The following NSUN2 variants were observed in gnomAD, a reference collection of about 807,000 sequenced individuals.
NSUN2 encodes RNA cytosine C(5)-methyltransferase NSUN2.
NSUN2 carries 63 observed loss-of-function variants against 92.7 expected under a neutral mutation model. The observed-to-expected ratio is 0.68, with a 90% CI of 0.56 to 0.84. The LOEUF (loss-of-function observed/expected upper bound fraction) is 0.84. NSUN2 is among the 40% of genes least tolerant of loss of function. The pLI is 0.00. For missense variants in NSUN2, 989 were observed against 964.9 expected, an observed-to-expected ratio of 1.02 and a Z score of -0.33; for synonymous variants, 356 against 348.3, an observed-to-expected ratio of 1.02 and a Z score of -0.25.
At chr5:6,614,395 G>A (rs1201651748) in intron 9 of NSUN2, among the ~76,000 whole-genome samples, 5 of 152,056 alleles carry the variant, frequency 3.3e-5, no homozygotes, top group Non-Finnish European at 7.3e-5. Flanking sequence ...CAGCATTCCC[G>A]TTTTCTTTTT....
chr5:6,617,646 G>T (rs562563504), intron 8 of NSUN2, among the ~76,000 whole-genome samples: 1 of 152,266 alleles, frequency 6.6e-6, no homozygotes, highest in South Asian at 2.1e-4. Flanking sequence ...AGAGAGAAAA[G>T]ATTAGTAATG....
chr5:6,604,168 T>C lies in NSUN2; in HGVS notation c.1927A>G (p.Ser643Gly), dbSNP rs760814782. 1 of 1,614,102 alleles carries C rather than the reference T, an allele frequency of 6.2e-7. No homozygotes were observed. The highest frequency in any genetic ancestry group is 1.1e-5 in the South Asian group (1 of 91,076). The change falls in exon 17 of 19, where the codon AGT becomes GGT. Residue 643 changes from serine to glycine, a missense_variant. Physicochemically the swap from Ser to Gly is moderately conservative, Grantham distance 56 (BLOSUM62 0). Coordinates refer to ENST00000264670, the MANE Select transcript of NSUN2 (RefSeq NM_017755.6). ...TCCTTTGCTTGACTGTAGGTCTCAC[T>C]GCTGAGTTTTCTAAAAAAGGGATTT... ...QENPFFRKLS[S>G]ETYSQAKDLA...
rs936685054 is a variant in NSUN2, at chr5:6,616,910, A to C, written c.891-53T>G. On this transcript the variant is annotated intron_variant, in intron 8 of 18. Coordinates refer to ENST00000264670, the MANE Select transcript of NSUN2 (RefSeq NM_017755.6). ...GGCCAAATGTATCCATGAAGTGCACATATTAGAAGCACCTCCTTATGTCAC... is the reference window on the plus strand; with the variant it reads ...GGCCAAATGTATCCATGAAGTGCACCTATTAGAAGCACCTCCTTATGTCAC... 7 of 1,516,690 alleles carry C rather than the reference A, an allele frequency of 4.6e-6. No homozygotes were observed. In the East Asian group the frequency reaches 1.4e-4, roughly 30 times the overall value. The allele number at this position is 1,516,690 out of a possible 1,614,324, so 94.0% of individuals were successfully genotyped here.
intron 18 of NSUN2, among the ~76,000 whole-genome samples, 183 bp from the exon 19 acceptor site, chr5:6,600,415 CT>C (rs1161650618): frequency 3.9e-5 from 6 of 152,228 alleles, no homozygotes; most frequent in Non-Finnish European, 7.3e-5. Context: ...GGACTTCCTT[CT>C]TCATGTCCTG....
intron 10 of NSUN2, 100 bp from the exon 11 acceptor site, chr5:6,611,185 G>T: frequency 7.5e-7 from 1 of 1,327,322 alleles, no homozygotes; most frequent in Non-Finnish European, 1.1e-6. Context: ...GACAAATGGT[G>T]ATTCTCATTC....
chr5:6,606,059 T>C (rs999871346), intron 14 of NSUN2, among the ~76,000 whole-genome samples: 21 of 152,194 alleles, frequency 1.4e-4, no homozygotes, highest in South Asian at 8.3e-4. Context: ...CCCTGGTAAA[T>C]AGATTCTAAA....
intron 18 of NSUN2, among the ~76,000 whole-genome samples, chr5:6,600,628 T>C (rs559887532): frequency 2.7e-4 from 41 of 152,170 alleles, no homozygotes; most frequent in Non-Finnish European, 4.0e-4. Flanking sequence ...TCAAGTTTCC[T>C]AAGTGGACTG....
intron 14 of NSUN2, 140 bp downstream of exon 14, chr5:6,606,680 T>C: frequency 2.0e-6 from 1 of 501,224 alleles, no homozygotes. Flanking sequence ...CCTGCTCTAA[T>C]ATGCAGTTAA....
intron 17 of NSUN2, among the ~76,000 whole-genome samples, chr5:6,602,968 T>C (rs1385783971): frequency 1.3e-5 from 2 of 152,224 alleles, no homozygotes; most frequent in Non-Finnish European, 2.9e-5. Flanking sequence ...CTACTTTAAA[T>C]TGTGGTTCTT....
intron 9 of NSUN2, among the ~76,000 whole-genome samples, chr5:6,616,145 A>G (rs1312995532): frequency 1.3e-5 from 2 of 152,248 alleles, no homozygotes; most frequent in African/African-American, 2.4e-5. Flanking sequence ...CAGCCATTCA[A>G]CTTCTGAGTG....
intron 12 of NSUN2, among the ~76,000 whole-genome samples, chr5:6,608,001 C>G (rs1736848625): frequency 6.6e-6 from 1 of 151,970 alleles, no homozygotes; most frequent in South Asian, 2.1e-4. Context: ...AACATTTTAA[C>G]AGGTCACAAA....
intron 9 of NSUN2, among the ~76,000 whole-genome samples, chr5:6,616,121 A>G (rs557684): frequency 0.26 from 39,872 of 152,204 alleles, 5,564 homozygotes; most frequent in Middle Eastern, 0.35. Flanking sequence ...GAATTACTAT[A>G]TGATCATATG....
At chr5:6,614,745 G>A (rs948146163) in intron 9 of NSUN2, among the ~76,000 whole-genome samples, 2 of 152,194 alleles carry the variant, frequency 1.3e-5, no homozygotes, top group Admixed American at 6.5e-5. Flanking sequence ...CACACAGCAT[G>A]TTCTCTGAGC....
At chr5:6,625,017 A>T (rs1737593339) in intron 4 of NSUN2, among the ~76,000 whole-genome samples, 1 of 152,074 alleles carries the variant, frequency 6.6e-6, no homozygotes, top group South Asian at 2.1e-4. Context: ...GTGAAGACAG[A>T]TGCCGTCCTG....
In NSUN2 at chr5:6,607,391, TA is replaced by T; in HGVS notation, c.1324-8del. 6.2e-7 allele frequency: 1 copy of T among 1,603,068 alleles called. No individual in the cohort carries two copies. The highest frequency in any genetic ancestry group is 8.5e-7 in the Non-Finnish European group (1 of 1,172,878). ...CTGCAGATTTACCCTGAAGCTGTCA[TA>T]AAGAACAATTTCATTGACACACAAA... is the stretch of plus-strand genomic sequence containing the variant. On this transcript the variant is annotated splice_polypyrimidine_tract_variant and splice_region_variant and intron_variant, in intron 12 of 18. Coordinates refer to ENST00000264670, the MANE Select transcript of NSUN2 (RefSeq NM_017755.6).
At position 6,604,150 on chromosome 5, in the gene NSUN2, C is replaced by T. The variant is rs369426554; in HGVS notation, c.1945G>A (p.Ala649Thr). 23 of 1,613,318 alleles carry T rather than the reference C, an allele frequency of 1.4e-5. No homozygotes were observed. Among genetic ancestry groups the T allele is most frequent in the Middle Eastern group, 1.6e-4 (1 of 6,080 alleles). The change falls in exon 17 of 19, where the codon GCA becomes ACA. Residue 649 changes from alanine to threonine, a missense_variant. Physicochemically the swap from Ala to Thr is moderately conservative, Grantham distance 58 (BLOSUM62 0). This residue lies in a region of NSUN2 where 626 missense variants were observed against 602.3 expected (regional missense o/e 1.04). Coordinates refer to ENST00000264670, the MANE Select transcript of NSUN2 (RefSeq NM_017755.6). ...RKLSSETYSQ[A>T]KDLAKGSIVL... The stretch of plus-strand genomic sequence containing the variant: ...TCCAACTACTCACCCAGGTCCTTTG[C>T]TTGACTGTAGGTCTCACTGCTGAGT...
chr5:6,606,351 T>C (rs899584397), intron 14 of NSUN2, among the ~76,000 whole-genome samples: 3 of 152,200 alleles, frequency 2.0e-5, no homozygotes, highest in African/African-American at 7.2e-5. Context: ...CGGCGCGATC[T>C]CGGCTCACTG....
At chr5:6,600,325 A>C in intron 18 of NSUN2, 93 bp from the exon 19 acceptor site, 2 of 1,190,846 alleles carry the variant, frequency 1.7e-6, no homozygotes, top group Non-Finnish European at 2.3e-6. Context: ...AAAGAAAACC[A>C]CAGAAAACCC....
At chr5:6,622,742 G>A (rs1560982900) in intron 5 of NSUN2, among the ~76,000 whole-genome samples, 1 of 151,712 alleles carries the variant, frequency 6.6e-6, no homozygotes, top group Admixed American at 6.6e-5. Flanking sequence ...GGCTACTTGG[G>A]AGACTGAGGC....
Sources: gnomAD v4.1 joint callset for allele counts (sites outside exome capture counted in the v4.1 genomes callset) on GRCh38, gnomAD v4.1.1 for gene constraint, gnomAD v4.1.1 regional missense constraint, MANE v1.5 for transcripts, NCBI Gene and HGNC (gene_info 2026-07-23, HGNC 2026-07-21) for gene names.